Variants in SMOC2 observed in about 807,000 individuals in gnomAD.
The protein encoded by SMOC2 is SPARC related modular calcium binding 2, also known as SPARC-related modular calcium-binding protein 2.
In SMOC2, 39 loss-of-function variants were observed where a neutral mutation model predicts 61.4. The ratio of observed to expected loss-of-function variants is 0.64; its 90% CI spans 0.49 to 0.83. The LOEUF is 0.83. Among genes scored for constraint, SMOC2 ranks in the 40% least tolerant of loss-of-function variants. The pLI, the probability that SMOC2 is intolerant of heterozygous loss-of-function variation, is 0.00. For missense variants in SMOC2, 556 were observed against 592.9 expected, an observed-to-expected ratio of 0.94 and a Z score of 0.65; for synonymous variants, 247 against 239.9, an observed-to-expected ratio of 1.03 and a Z score of -0.27.
intron 4 of SMOC2, among the ~76,000 whole-genome samples, chr6:168,542,333 T>C (rs1783891855): frequency 6.6e-6 from 1 of 152,184 alleles, no homozygotes; most frequent in African/African-American, 2.4e-5. Flanking sequence ...CTGGAAACAA[T>C]GTAATATGTA....
chr6:168,460,650 A>G (rs560992238), intron 1 of SMOC2, among the ~76,000 whole-genome samples: 1 of 152,236 alleles, frequency 6.6e-6, no homozygotes, highest in South Asian at 2.1e-4. Context: ...AGCTTCACCA[A>G]CTTCCTTCCA....
At chr6:168,659,570 T>C (rs71552353) in intron 11 of SMOC2, among the ~76,000 whole-genome samples, 7 of 68,594 alleles carry the variant, frequency 1.0e-4, no homozygotes, top group South Asian at 4.7e-4. Flanking sequence ...AGGTTGTAGG[T>C]TGAGTCAGGG....
At chr6:168,474,469 C>A (rs1257709566) in intron 1 of SMOC2, among the ~76,000 whole-genome samples, 4 of 152,156 alleles carry the variant, frequency 2.6e-5, no homozygotes, top group Non-Finnish European at 5.9e-5. Context: ...TGCGTCTGAG[C>A]TCTCTCTGCT....
At chr6:168,581,734 TGA>T (rs1784923683) in intron 7 of SMOC2, among the ~76,000 whole-genome samples, 1 of 152,196 alleles carries the variant, frequency 6.6e-6, no homozygotes, top group African/African-American at 2.4e-5. Context: ...ATGGGTGATG[TGA>T]ATGATTCCAC....
chr6:168,485,338 T>A (rs894008826), intron 1 of SMOC2, among the ~76,000 whole-genome samples: 3 of 151,990 alleles, frequency 2.0e-5, no homozygotes, highest in African/African-American at 7.2e-5. Flanking sequence ...ACCAAAAGAA[T>A]TGAAAGCAAA....
intron 7 of SMOC2, among the ~76,000 whole-genome samples, chr6:168,573,542 C>G (rs973718656): frequency 5.3e-5 from 8 of 152,282 alleles, no homozygotes; most frequent in African/African-American, 9.6e-5. Context: ...GTCTGTGTGT[C>G]CAGCCTGGGA....
rs767000930 is a variant in SMOC2 at position 168,608,210 on chromosome 6, G to A, written c.878G>A (p.Arg293Gln). ...GCCAGGGCCCACCCAGCCAAAGCCC[G>A]GGACCTGTACAAGGGCCGCCAGCTA... Reference protein sequence around the residue: ...NTARAHPAKARDLYKGRQLQG... With the variant: ...NTARAHPAKAQDLYKGRQLQG... Residue 293 changes from arginine (R) to glutamine (Q), a missense_variant, in exon 9 of 13, where the codon CGG (arginine) becomes CAG (glutamine). Physicochemically the swap from Arg to Gln is conservative, Grantham distance 43. Coordinates refer to ENST00000356284, the MANE Select transcript of SMOC2 (RefSeq NM_001166412.2). 59 of 1,613,356 alleles carry A rather than the reference G, an allele frequency of 3.7e-5. No homozygotes were observed. Among genetic ancestry groups the A allele is most frequent in the Admixed American group, 3.0e-4 (18 of 59,962 alleles).
intron 7 of SMOC2, among the ~76,000 whole-genome samples, chr6:168,588,313 AG>A (rs1410426136): frequency 1.3e-5 from 2 of 151,888 alleles, no homozygotes; most frequent in Non-Finnish European, 2.9e-5. Context: ...TAGTAGAGAC[AG>A]GGTTTCACCA....
chr6:168,658,617 G>A (rs16887251), intron 11 of SMOC2, among the ~76,000 whole-genome samples: 5,216 of 152,246 alleles, frequency 0.034, 177 homozygotes, highest in East Asian at 0.21. Context: ...CAATTAAACC[G>A]AAGTGAATGT....
Position 168,653,150 on chromosome 6 carries a change from T to A in SMOC2, c.1207T>A (p.Ser403Thr). Residue 403 changes from serine (S) to threonine (T), a missense_variant, in exon 11 of 13, where the codon TCC becomes ACC. Ser to Thr is a moderately conservative substitution (Grantham distance 58, BLOSUM62 1). Coordinates refer to ENST00000356284, the MANE Select transcript of SMOC2 (RefSeq NM_001166412.2). ...ATACTGTGACGTGAATAATGACAAA[T>A]CCATCTCCGTACAAGAACTGATGGG... ...VEYCDVNNDK[S>T]ISVQELMGCL... 6.2e-7 allele frequency: 1 copy of A among 1,614,090 alleles called. No homozygotes were observed. Among genetic ancestry groups the A allele is most frequent in the East Asian group, 2.2e-5 (1 of 44,872 alleles).
chr6:168,508,338 A>T, intron 1 of SMOC2, among the ~76,000 whole-genome samples: 1 of 152,212 alleles, frequency 6.6e-6, no homozygotes, highest in African/African-American at 2.4e-5. Context: ...ATTTATCTTC[A>T]AGATAGCAGA....
rs142768883 is a variant in SMOC2, at chr6:168,664,109, C to T, written c.1321C>T (p.Gln441Ter). 2.6e-5 allele frequency: 41 copies of T among 1,601,134 alleles called. No individual in the cohort carries two copies. Among genetic ancestry groups the T allele is most frequent in the Admixed American group, 3.3e-5 (2 of 59,824 alleles). Residue 441 changes from glutamine (Q) to a stop codon, truncating the protein, a stop_gained and splice_region_variant, in exon 12 of 13, where the codon CAG becomes TAG. Coordinates refer to ENST00000356284, the MANE Select transcript of SMOC2 (RefSeq NM_001166412.2). LOFTEE classifies it high-confidence loss of function. ...RGHAESTSNR[Q>*]PRKQG ...TCATGCTGAAAGTACGTCTAATAGACAGGTAAGTATGTTTATATTTTACTC... is the reference window on the plus strand; with the variant it reads ...TCATGCTGAAAGTACGTCTAATAGATAGGTAAGTATGTTTATATTTTACTC...
intron 7 of SMOC2, among the ~76,000 whole-genome samples, chr6:168,591,082 A>G (rs1159402807): frequency 1.3e-5 from 2 of 152,286 alleles, no homozygotes; most frequent in African/African-American, 2.4e-5. Context: ...TAGAATTTAT[A>G]GAAGTAAATT....
At chr6:168,656,858 A>T (rs909877118) in intron 11 of SMOC2, among the ~76,000 whole-genome samples, 2 of 152,216 alleles carry the variant, frequency 1.3e-5, no homozygotes, top group Admixed American at 1.3e-4. Context: ...TGCCGTCCTG[A>T]TGATGTCTTC....
intron 1 of SMOC2, among the ~76,000 whole-genome samples, chr6:168,488,404 G>T (rs538738046): frequency 2.6e-5 from 4 of 152,340 alleles, no homozygotes; most frequent in Admixed American, 2.6e-4. Context: ...CAGACTGGGT[G>T]GCTCAGACAG....
At chr6:168,651,253 A>G (rs1464234059) in intron 10 of SMOC2, among the ~76,000 whole-genome samples, 1 of 152,232 alleles carries the variant, frequency 6.6e-6, no homozygotes, top group Non-Finnish European at 1.5e-5. Flanking sequence ...CATGTGATTC[A>G]GTTACATCAA....
chr6:168,537,210 G>A (rs1056377428), intron 4 of SMOC2, among the ~76,000 whole-genome samples: 2 of 150,808 alleles, frequency 1.3e-5, no homozygotes, highest in Non-Finnish European at 1.5e-5. Flanking sequence ...TTGCTTAGCT[G>A]AAAGCCGGTC....
intron 7 of SMOC2, among the ~76,000 whole-genome samples, chr6:168,568,878 C>T (rs1784605016): frequency 6.6e-6 from 1 of 152,216 alleles, no homozygotes; most frequent in Non-Finnish European, 1.5e-5. Context: ...CTTTTCGTGG[C>T]TTGATCACTC....
intron 7 of SMOC2, among the ~76,000 whole-genome samples, chr6:168,590,351 G>A (rs1785148692): frequency 1.5e-5 from 1 of 64,860 alleles, no homozygotes; most frequent in African/African-American, 5.3e-5. Context: ...TGTTGGTCAG[G>A]TGTGGCATTA....
Sources: gnomAD v4.1 joint callset for allele counts (sites outside exome capture counted in the v4.1 genomes callset) on GRCh38, gnomAD v4.1.1 for gene constraint, MANE v1.5 for transcripts, NCBI Gene and HGNC (gene_info 2026-07-23, HGNC 2026-07-21) for gene names.